The following DIP2A variants were observed in gnomAD, a reference collection of about 807,000 sequenced individuals.
DIP2A encodes disco-interacting protein 2 homolog A.
DIP2A carries 85 observed loss-of-function variants against 177.4 expected under a neutral mutation model. That is an observed-to-expected ratio of 0.48 (90% CI 0.40 to 0.57). DIP2A has a LOEUF of 0.57. Ranked by LOEUF, DIP2A falls within the 20% of genes least tolerant of loss-of-function variation. The probability of loss-of-function intolerance (pLI) is 0.00; values close to 1 mark genes in which losing one functional copy is unlikely to be tolerated. For missense variants in DIP2A, 1,791 were observed against 2,100.2 expected (o/e 0.85, Z 2.88); for synonymous variants, 886 against 881.8 (o/e 1.00, Z -0.08).
intron 20 of DIP2A, 171 bp downstream of exon 20, chr21:46,546,132 C>T (rs1433305754): frequency 1.4e-6 from 2 of 1,461,116 alleles, no homozygotes; most frequent in African/African-American, 2.8e-5. Context: ...GCAGGGCCAT[C>T]CACACCTCCG....
In DIP2A at chr21:46,557,787, G is replaced by T. The variant is rs1008652969; in HGVS notation, c.3798+34G>T. On this transcript the variant is annotated intron_variant, in intron 31 of 37. Coordinates refer to ENST00000417564, the MANE Select transcript of DIP2A (RefSeq NM_015151.4). This position sits in a 1 kb window ranked among gnomAD's most constrained non-coding sequence, Gnocchi z 6.0. ...CCAGACCCGGGCTTCTGAGTGTGCTGCAGACCACAGCCCTGGGAAGTTTAA... is the reference window on the plus strand; with the variant it reads ...CCAGACCCGGGCTTCTGAGTGTGCTTCAGACCACAGCCCTGGGAAGTTTAA... 2 of 1,590,150 alleles carry T rather than the reference G, an allele frequency of 1.3e-6. No homozygotes were observed. Among genetic ancestry groups the T allele is most frequent in the African/African-American group, 1.3e-5 (1 of 74,486 alleles).
chr21:46,562,832 G>C (rs995455280), intron 34 of DIP2A, among the ~76,000 whole-genome samples: 3 of 152,190 alleles, frequency 2.0e-5, no homozygotes, highest in African/African-American at 7.2e-5. Flanking sequence ...GCCGTGGGCT[G>C]CTGCACGTCC....
chr21:46,567,219 T>A, intron 37 of DIP2A, 151 bp from the exon 38 acceptor site: 2 of 1,155,736 alleles, frequency 1.7e-6, no homozygotes, highest in South Asian at 3.1e-5. Flanking sequence ...GTAAAATGGA[T>A]CTGGCCTGAT....
intron 9 of DIP2A, among the ~76,000 whole-genome samples, 191 bp from the exon 10 acceptor site, chr21:46,531,936 G>A (rs945655754): frequency 5.9e-5 from 9 of 152,226 alleles, no homozygotes; most frequent in East Asian, 1.9e-4. Context: ...TCATTGTTGC[G>A]TGTTCTCAAA....
At chr21:46,573,645 C>CAAAAAAAAAAAAA (rs201994694), downstream of DIP2A, among the ~76,000 whole-genome samples, 25 of 52,968 alleles carry the variant, frequency 4.7e-4, no homozygotes, top group East Asian at 6.7e-4. Flanking sequence ...CCCTCTCTCA[C>CAAAAAAAAAAAAA]AAAAAAAAAA....
At position 46,569,829 on chromosome 21, in the gene DIP2A, A is replaced by ATT. The variant is rs1260265327; in HGVS notation, c.*2208_*2209dup. 2.0e-5 allele frequency: 3 copies of ATT among 152,240 alleles called. No individual in the cohort carries two copies. Among genetic ancestry groups the ATT allele is most frequent in the Admixed American group, 6.5e-5 (1 of 15,288 alleles). 9.4% of individuals were successfully genotyped at this position (152,240 alleles called of 1,614,324 possible). On this transcript the variant is annotated 3_prime_UTR_variant, in exon 38 of 38. Coordinates refer to ENST00000417564, the MANE Select transcript of DIP2A (RefSeq NM_015151.4). ...TTATAGCATAAAATCTAGAAAGCAC[A>ATT]TTAAAGTATAAAGAAAATTAAAATT...
chr21:46,528,527 C>CTTTTTTTTTTT (rs1162872343), intron 8 of DIP2A, among the ~76,000 whole-genome samples: 1 of 29,380 alleles, frequency 3.4e-5, no homozygotes, highest in African/African-American at 1.6e-4. Flanking sequence ...TTTCTGCTTG[C>CTTTTTTTTTTT]TTTTTTTTTT....
At chr21:46,554,512 G>T in intron 26 of DIP2A, 63 bp from the exon 27 acceptor site, 1 of 1,591,112 alleles carries the variant, frequency 6.3e-7, no homozygotes, top group South Asian at 1.1e-5. Flanking sequence ...CAGGAACAGT[G>T]AACAGAGGCT....
In DIP2A at chr21:46,488,668, A is replaced by G. The variant is rs150270165; in HGVS notation, c.164-1932A>G. ...TCTCTTATCACATTGGCAAAATTCTAGAACTTTTTATAACATCTAGTGCTG... is the reference window on the plus strand; with the variant it reads ...TCTCTTATCACATTGGCAAAATTCTGGAACTTTTTATAACATCTAGTGCTG... On this transcript the variant is annotated intron_variant, in intron 2 of 37. Coordinates refer to ENST00000417564, the MANE Select transcript of DIP2A (RefSeq NM_015151.4). Among the ~76,000 whole-genome samples the G allele has an allele frequency of 4.4e-4, 67 of 152,352 alleles. No individual in the cohort carries two copies. The East Asian group carries it at 9.8e-3, about 22-fold the overall frequency.
At chr21:46,540,400 C>T (rs9983265) in intron 17 of DIP2A, among the ~76,000 whole-genome samples, 2,146 of 152,252 alleles carry the variant, frequency 0.014, 45 homozygotes, top group African/African-American at 0.049. Flanking sequence ...ACCCACCTCC[C>T]GGGAGGCCTG....
rs768881908 is a variant in DIP2A at position 46,549,742 on chromosome 21, T to C, written c.2523-29T>C. 2.5e-6 allele frequency: 4 copies of C among 1,611,606 alleles called. No homozygotes were observed. In the South Asian group the frequency reaches 4.4e-5, roughly 18 times the overall value. Reference sequence around the variant, plus strand: ...CTGTGTCTTGTTTGGCCTCTTGCCGTGTGGCCATTTCCATGTCTCATCCCG... The same window carrying C: ...CTGTGTCTTGTTTGGCCTCTTGCCGCGTGGCCATTTCCATGTCTCATCCCG... On this transcript the variant is annotated intron_variant, in intron 21 of 37. Transcript: ENST00000417564.
intron 2 of DIP2A, among the ~76,000 whole-genome samples, chr21:46,488,838 A>G (rs763266045): frequency 1.6e-4 from 24 of 152,202 alleles, no homozygotes; most frequent in Non-Finnish European, 1.3e-4. Context: ...TGGGTTTTGT[A>G]TCTATCTTTG....
intron 8 of DIP2A, among the ~76,000 whole-genome samples, chr21:46,514,152 G>C (rs187808990): frequency 6.6e-6 from 1 of 152,132 alleles, no homozygotes; most frequent in Non-Finnish European, 1.5e-5. Context: ...TGATGACTTT[G>C]TGCTGGGCGC....
At chr21:46,516,649 C>A (rs1415124491) in intron 8 of DIP2A, among the ~76,000 whole-genome samples, 1 of 151,800 alleles carries the variant, frequency 6.6e-6, no homozygotes, top group Admixed American at 6.6e-5. Context: ...CCTGCCACCG[C>A]ACCCAGCTAA....
intron 21 of DIP2A, 104 bp downstream of exon 21, chr21:46,547,146 G>C: frequency 6.7e-7 from 1 of 1,492,366 alleles, no homozygotes; most frequent in Non-Finnish European, 8.9e-7. Flanking sequence ...AATTCACAAA[G>C]CCTAAAAATT....
At chr21:46,504,567 T>A in intron 6 of DIP2A, 78 bp downstream of exon 6, 1 of 1,485,692 alleles carries the variant, frequency 6.7e-7, no homozygotes, top group South Asian at 1.4e-5. Context: ...AGCTTTAATG[T>A]ATTCACTGTA....
chr21:46,549,811 A>C lies in DIP2A; in HGVS notation c.2563A>C (p.Ile855Leu). The change falls in exon 22 of 38, where the codon ATT becomes CTT. Residue 855 changes from isoleucine (I) to leucine (L), a missense_variant. By Grantham distance (5) the Ile-to-Leu change is conservative (BLOSUM62 2). Transcript: ENST00000417564. ...FSVTVLHDDR[I>L]VLVAEQRPDA... ...TGTGACCGTGCTGCACGACGACCGG[A>C]TTGTCCTGGTGGCTGAGCAGCGGCC... 1 of 1,613,558 alleles carries C rather than the reference A, an allele frequency of 6.2e-7. No individual in the cohort carries two copies. The highest frequency in any genetic ancestry group is 8.5e-7 in the Non-Finnish European group (1 of 1,179,988).
chr21:46,514,642 G>GTTTTTTTTTTTTTTTTTTT (rs1159261551), intron 8 of DIP2A, among the ~76,000 whole-genome samples: 1 of 67,786 alleles, frequency 1.5e-5, no homozygotes, highest in African/African-American at 5.2e-5. Context: ...TTTTTTTTTG[G>GTTTTTTTTTTTTTTTTTTT]TTTTTTTTTT....
At chr21:46,505,565 T>C (rs1188220931) in intron 6 of DIP2A, among the ~76,000 whole-genome samples, 1 of 152,138 alleles carries the variant, frequency 6.6e-6, no homozygotes, top group African/African-American at 2.4e-5. Context: ...GCCAAGATTG[T>C]GTCACTTCAC....
Sources: allele counts gnomAD v4.1 joint callset (sites outside exome capture counted in the v4.1 genomes callset), GRCh38; gene constraint gnomAD v4.1.1; non-coding constraint Gnocchi (gnomAD v3.1); transcripts MANE v1.5; gene names NCBI Gene and HGNC (gene_info 2026-07-23, HGNC 2026-07-21).